The following PLEKHA5 variants were observed in gnomAD, a reference collection of about 807,000 sequenced individuals.
PLEKHA5 encodes pleckstrin homology domain containing A5.
PLEKHA5 carries 55 observed loss-of-function variants against 181.9 expected under a neutral mutation model. That is an observed-to-expected ratio of 0.30 (90% CI 0.24 to 0.38). PLEKHA5 has a LOEUF of 0.38. Among genes scored for constraint, PLEKHA5 ranks in the 10% least tolerant of loss-of-function variants. The probability of loss-of-function intolerance (pLI) is 1.00; values close to 1 mark genes in which losing one functional copy is unlikely to be tolerated. For synonymous variants in PLEKHA5, 535 were observed against 529.4 expected (o/e 1.01, Z -0.15); for missense variants, 1,432 against 1,549.5 (o/e 0.92, Z 1.27).
At chr12:19,352,604 G>A (rs1348358692) in intron 25 of PLEKHA5, among the ~76,000 whole-genome samples, 39 of 124,644 alleles carry the variant, frequency 3.1e-4, no homozygotes, top group African/African-American at 1.0e-3. Flanking sequence ...TTTTTAAATA[G>A]AGATGGGTCT....
At chr12:19,281,308 C>T (rs1008946190) in intron 11 of PLEKHA5, among the ~76,000 whole-genome samples, 1 of 151,574 alleles carries the variant, frequency 6.6e-6, no homozygotes, top group African/African-American at 2.4e-5. Context: ...GGAGGCCAGG[C>T]GCTCACTCCT....
chr12:19,131,339 G>A (rs1357086814), intron 2 of PLEKHA5, among the ~76,000 whole-genome samples: 2 of 152,188 alleles, frequency 1.3e-5, no homozygotes, highest in South Asian at 2.1e-4. Flanking sequence ...GCAAAAAGGT[G>A]GAGGAAGAAA....
intron 3 of PLEKHA5, among the ~76,000 whole-genome samples, chr12:19,249,902 C>G (rs1437715243): frequency 6.6e-6 from 1 of 152,152 alleles, no homozygotes; most frequent in African/African-American, 2.4e-5. Context: ...TCAGTCGAGT[C>G]AGTTATTTTA....
intron 15 of PLEKHA5, chr12:19,306,443 T>TCCTGGA: frequency 1.7e-6 from 1 of 599,582 alleles, no homozygotes. Flanking sequence ...CAGCAGAGGC[T>TCCTGGA]GTAGCATCGG....
At chr12:19,343,514 A>C (rs2094095443) in intron 22 of PLEKHA5, 80 bp downstream of exon 22, 2 of 812,746 alleles carry the variant, frequency 2.5e-6, no homozygotes, top group Non-Finnish European at 4.2e-6. Flanking sequence ...TTACATTCTG[A>C]GAAATGCATT....
intron 3 of PLEKHA5, among the ~76,000 whole-genome samples, chr12:19,233,951 T>G (rs899938333): frequency 1.3e-5 from 2 of 152,220 alleles, no homozygotes; most frequent in Admixed American, 1.3e-4. Flanking sequence ...TACCTCAGCT[T>G]CTTTTCCTAA....
rs1189897188 is a variant in PLEKHA5, at chr12:19,265,735, T to G, written c.611-15T>G. ...AACATTTAAAATTCTAATCAGATGT[T>G]AAATTATCTCTTAGATGAGAAAGAA... On this transcript the variant is annotated splice_polypyrimidine_tract_variant and intron_variant, in intron 7 of 31. Transcript: ENST00000429027. 14 of 1,387,074 alleles carry G rather than the reference T, an allele frequency of 1.0e-5. No individual in the cohort carries two copies. The highest frequency in any genetic ancestry group is 1.3e-5 in the Non-Finnish European group (13 of 990,178). 85.9% of individuals were successfully genotyped at this position (1,387,074 alleles called of 1,614,324 possible).
chr12:19,173,988 A>G (rs1236735738), intron 3 of PLEKHA5, among the ~76,000 whole-genome samples: 1 of 152,216 alleles, frequency 6.6e-6, no homozygotes. Context: ...GTTTGAGACA[A>G]TTCTTTCTTA....
At chr12:19,239,386 G>A (rs1034958881) in intron 3 of PLEKHA5, among the ~76,000 whole-genome samples, 5 of 152,090 alleles carry the variant, frequency 3.3e-5, no homozygotes, top group Admixed American at 3.3e-4. Context: ...TGCTCACAAT[G>A]TCACTGCTAT....
intron 20 of PLEKHA5, among the ~76,000 whole-genome samples, chr12:19,334,829 A>AAAAAAAAAAAATATATATATAT: frequency 1.1e-4 from 2 of 18,600 alleles, no homozygotes; most frequent in Non-Finnish European, 2.9e-4. Context: ...AAAAAAAAAA[A>AAAAAAAAAAAATATATATATAT]ATATATATAT....
intron 3 of PLEKHA5, among the ~76,000 whole-genome samples, chr12:19,247,881 CA>C (rs1255402973): frequency 6.7e-6 from 1 of 149,288 alleles, no homozygotes; most frequent in Non-Finnish European, 1.5e-5. Flanking sequence ...TCTAGAATAA[CA>C]GAGTGCTTTT....
intron 11 of PLEKHA5, among the ~76,000 whole-genome samples, chr12:19,278,061 G>A (rs1427357670): frequency 6.6e-6 from 1 of 152,146 alleles, no homozygotes; most frequent in Non-Finnish European, 1.5e-5. Flanking sequence ...GGGGAAAAAA[G>A]TCACTAAAGG....
chr12:19,312,198 T>C (rs996654007), intron 15 of PLEKHA5, among the ~76,000 whole-genome samples: 1 of 152,222 alleles, frequency 6.6e-6, no homozygotes, highest in African/African-American at 2.4e-5. Flanking sequence ...CAGGCTTTGT[T>C]CCTTTTTTGG....
chr12:19,365,306 C>T lies in PLEKHA5; in HGVS notation c.3609-658C>T, dbSNP rs570876377. Among the ~76,000 whole-genome samples, 85 of 149,850 alleles carry T rather than the reference C, an allele frequency of 5.7e-4. 1 individual carries two copies. Among genetic ancestry groups the T allele is most frequent in the African/African-American group, 1.9e-3 (77 of 40,686 alleles). On this transcript the variant is annotated intron_variant, in intron 29 of 31. Coordinates refer to ENST00000429027, the MANE Select transcript of PLEKHA5 (RefSeq NM_001256470.2). ...GGTGAGAACCTGGGAGGTGAGCTTGCAGTGAGCCTAGATCGCGCCACTGCA... is the reference window on the plus strand; with the variant it reads ...GGTGAGAACCTGGGAGGTGAGCTTGTAGTGAGCCTAGATCGCGCCACTGCA...
chr12:19,200,052 A>G (rs1167315173), intron 3 of PLEKHA5, among the ~76,000 whole-genome samples: 1 of 152,088 alleles, frequency 6.6e-6, no homozygotes, highest in African/African-American at 2.4e-5. Flanking sequence ...AAGAAGCTCA[A>G]ATGTTGGATA....
At chr12:19,283,843 G>T (rs927986885) in intron 12 of PLEKHA5, 98 bp downstream of exon 12, 1 of 706,388 alleles carries the variant, frequency 1.4e-6, no homozygotes, top group Admixed American at 2.8e-5. Context: ...AAAGAATGGG[G>T]ATAAAGTAAG....
At chr12:19,344,109 A>T (rs538403706) in intron 22 of PLEKHA5, among the ~76,000 whole-genome samples, 1 of 152,124 alleles carries the variant, frequency 6.6e-6, no homozygotes, top group African/African-American at 2.4e-5. Context: ...ACTGTCGTAT[A>T]TGTAGTCTGT....
intron 3 of PLEKHA5, among the ~76,000 whole-genome samples, chr12:19,248,965 A>T (rs1372094261): frequency 1.3e-5 from 2 of 152,246 alleles, no homozygotes; most frequent in Non-Finnish European, 2.9e-5. Context: ...AGCTTCTATT[A>T]TAAAGTAAGT....
chr12:19,235,519 A>T (rs745990894), intron 3 of PLEKHA5, among the ~76,000 whole-genome samples: 9 of 152,182 alleles, frequency 5.9e-5, no homozygotes, highest in Admixed American at 1.3e-4. Flanking sequence ...CACTGTTCTA[A>T]TTGCTTGACA....
Sources: gnomAD v4.1 joint callset for allele counts (sites outside exome capture counted in the v4.1 genomes callset) on GRCh38, gnomAD v4.1.1 for gene constraint, MANE v1.5 for transcripts, NCBI Gene and HGNC (gene_info 2026-07-23, HGNC 2026-07-21) for gene names.